The following SBNO2 variants were observed in gnomAD, a reference collection of about 807,000 sequenced individuals.
SBNO2 encodes strawberry notch homolog 2, also known as protein strawberry notch homolog 2.
In SBNO2, 89 loss-of-function variants were observed where a neutral mutation model predicts 146.3. That is an observed-to-expected ratio of 0.61 (90% confidence interval 0.51 to 0.73). The LOEUF (loss-of-function observed/expected upper bound fraction) is 0.73. SBNO2 is among the 30% of genes least tolerant of loss of function. SBNO2 has a pLI of 0.00. For synonymous variants in SBNO2, 1,147 were observed against 892.6 expected (o/e 1.29, Z -5.08); for missense variants, 2,092 against 2,003.7 (o/e 1.04, Z -0.84).
Position 1,149,201 on chromosome 19 carries a change from C to G in SBNO2, c.167+168G>C, listed in dbSNP as rs112847626. Among the ~76,000 whole-genome samples, 435 of 150,522 alleles carry G rather than the reference C, an allele frequency of 2.9e-3. 1 individual carries two copies. Among genetic ancestry groups the G allele is most frequent in the African/African-American group, 0.01 (416 of 40,888 alleles). On this transcript the variant is annotated intron_variant, in intron 3 of 31. Transcript: ENST00000361757. ...GCGTTCCACAAACAGGGGTCTCAGC[C>G]TGGACCTGGCCCGTGGGGTGGAGCC...
chr19:1,113,335 G>A (rs373700063), intron 19 of SBNO2, among the ~76,000 whole-genome samples, 200 bp downstream of exon 19: 10 of 152,142 alleles, frequency 6.6e-5, no homozygotes, highest in African/African-American at 1.7e-4. Context: ...GGGGCAGGCC[G>A]TCCACAGGAG....
At chr19:1,125,989 G>A (rs75410576) in intron 5 of SBNO2, among the ~76,000 whole-genome samples, 9,522 of 152,214 alleles carry the variant, frequency 0.063, 370 homozygotes, top group East Asian at 0.15. Context: ...GTGAGATCCC[G>A]TCTCAAAATA....
Position 1,112,433 on chromosome 19 carries a change from C to T in SBNO2, c.2484G>A (p.Pro828=), listed in dbSNP as rs764952101. ...GCTGGATGGCGCGGTCGGCGCTCCA[C>T]GGCAGCTCCAAGGTCATGTGCACGC... ...RRRVHMTLEL[P]WSADRAIQQF... Residue 828 remains proline, a synonymous_variant, in exon 21 of 32, where the codon CCG becomes CCA. Transcript: ENST00000361757. The surrounding 1 kb of genome is among the most constrained non-coding windows in gnomAD (Gnocchi z 5.9). 1.2e-6 allele frequency: 2 copies of T among 1,606,454 alleles called. No homozygotes were observed. Among genetic ancestry groups the T allele is most frequent in the African/African-American group, 1.3e-5 (1 of 74,852 alleles).
rs1599824979 is a variant in SBNO2 at position 1,112,612 on chromosome 19, T to G, written c.2380-75A>C. 1.3e-6 allele frequency: 2 copies of G among 1,487,830 alleles called. No individual in the cohort carries two copies. Among genetic ancestry groups the G allele is most frequent in the Non-Finnish European group, 1.8e-6 (2 of 1,120,912 alleles). 92.2% of individuals were successfully genotyped at this position (1,487,830 alleles called of 1,614,324 possible). ...GCGTTGCCGCCACCTCCTCACCCAC[T>G]AGGCCCCCGCTCCAGGTCACCAGGA... On this transcript the variant is annotated intron_variant, in intron 20 of 31. Coordinates refer to ENST00000361757, the MANE Select transcript of SBNO2 (RefSeq NM_014963.3). This position sits in a 1 kb window ranked among gnomAD's most constrained non-coding sequence, Gnocchi z 5.9.
chr19:1,142,689 T>C (rs1337208522), intron 4 of SBNO2, among the ~76,000 whole-genome samples: 1 of 150,400 alleles, frequency 6.6e-6, no homozygotes, highest in Non-Finnish European at 1.5e-5. Flanking sequence ...CAAAAAACAA[T>C]AGGCCAGGTG....
Position 1,107,847 on chromosome 19 carries a change from G to T in SBNO2, c.*373C>A, listed in dbSNP as rs892617836. ...CAGGGGTCTGCCCCACGGAGCCCCC[G>T]AGACGCGGGGCCCTGAGCACCTGGG... On this transcript the variant is annotated 3_prime_UTR_variant, in exon 32 of 32. Coordinates refer to ENST00000361757, the MANE Select transcript of SBNO2 (RefSeq NM_014963.3). 6.9e-5 allele frequency: 11 copies of T among 159,268 alleles called. No homozygotes were observed. The highest frequency in any genetic ancestry group is 1.9e-4 in the Admixed American group (3 of 15,422). 9.9% of individuals were successfully genotyped at this position (159,268 alleles called of 1,614,324 possible). A position where few individuals can be genotyped will look rare whatever the true frequency, so the allele number is the denominator to read the frequency against.
In SBNO2 at chr19:1,122,292, C is replaced by T. The variant is rs377716252; in HGVS notation, c.1006-10G>A. ...TGTCACCGTACTTGATCTGGGGATG[C>T]ACAGAACAGGTGTGGAATGGGGCCC... is the stretch of plus-strand genomic sequence containing the variant. On this transcript the variant is annotated splice_polypyrimidine_tract_variant and intron_variant, in intron 10 of 31. Coordinates refer to ENST00000361757, the MANE Select transcript of SBNO2 (RefSeq NM_014963.3). 43 of 1,553,222 alleles carry T rather than the reference C, an allele frequency of 2.8e-5. No homozygotes were observed. Among genetic ancestry groups the T allele is most frequent in the Admixed American group, 3.8e-5 (2 of 52,580 alleles).
chr19:1,153,906 C>T (rs778473043), intron 2 of SBNO2, among the ~76,000 whole-genome samples: 5 of 152,190 alleles, frequency 3.3e-5, no homozygotes, highest in African/African-American at 9.6e-5. Flanking sequence ...CTACAGCTGA[C>T]GGCGAAGGAA....
chr19:1,147,902 C>T (rs1423314949), intron 3 of SBNO2, among the ~76,000 whole-genome samples: 2 of 152,166 alleles, frequency 1.3e-5, no homozygotes, highest in Non-Finnish European at 2.9e-5. Context: ...CCCTGTCACC[C>T]TGAGGATGGC....
At chr19:1,171,766 T>TGGG (rs72208617) in intron 1 of SBNO2, among the ~76,000 whole-genome samples, 3 of 151,918 alleles carry the variant, frequency 2.0e-5, no homozygotes, top group African/African-American at 7.2e-5. Flanking sequence ...AGCAAGTGGG[T>TGGG]GGGGGGTCTA....
rs868839911 is a variant in SBNO2 at position 1,157,976 on chromosome 19, C to G, written c.-126-3574G>C. Among the ~76,000 whole-genome samples the G allele has an allele frequency of 1.3e-5, 2 of 148,572 alleles. No homozygotes were observed. The highest frequency in any genetic ancestry group is 6.7e-5 in the Admixed American group (1 of 14,892). On this transcript the variant is annotated intron_variant, in intron 1 of 31. Coordinates refer to ENST00000361757, the MANE Select transcript of SBNO2 (RefSeq NM_014963.3). This position sits in a 1 kb window ranked among gnomAD's most constrained non-coding sequence, Gnocchi z 6.8. ...CCGCCTCCCAGCTCTCTCCTGAGTC[C>G]GGATAACTGTCCGCCTCCCAGCTCT...
At chr19:1,172,912 G>A (rs937345881) in intron 1 of SBNO2, among the ~76,000 whole-genome samples, 1 of 151,766 alleles carries the variant, frequency 6.6e-6, no homozygotes, top group African/African-American at 2.4e-5. Flanking sequence ...CAGGCAGGAA[G>A]GACGTTCTGA....
intron 1 of SBNO2, among the ~76,000 whole-genome samples, chr19:1,169,935 C>T (rs2080461703): frequency 6.6e-6 from 1 of 152,212 alleles, no homozygotes; most frequent in South Asian, 2.1e-4. Context: ...ACTCCCCCGC[C>T]TCTACAGCCC....
Position 1,109,862 on chromosome 19 carries a change from C to T in SBNO2, c.3029-85G>A. Reference sequence around the variant, plus strand: ...GGTCAGTCCCGTAGCCGGGGCGCACCCTAGAGACGACCCCCCGAGAGCACA... The same window carrying T: ...GGTCAGTCCCGTAGCCGGGGCGCACTCTAGAGACGACCCCCCGAGAGCACA... On this transcript the variant is annotated intron_variant, in intron 26 of 31. Coordinates refer to ENST00000361757, the MANE Select transcript of SBNO2 (RefSeq NM_014963.3). This position sits in a 1 kb window ranked among gnomAD's most constrained non-coding sequence, Gnocchi z 4.2. The T allele has an allele frequency of 1.0e-6, 1 of 990,262 alleles. No homozygotes were observed. Among genetic ancestry groups the T allele is most frequent in the Non-Finnish European group, 1.5e-6 (1 of 674,918 alleles). 61.3% of individuals were successfully genotyped at this position (990,262 alleles called of 1,614,324 possible). A position where few individuals can be genotyped will look rare whatever the true frequency, so the allele number is the denominator to read the frequency against.
At position 1,158,150 on chromosome 19, in the gene SBNO2, C is replaced by G. The variant is rs143226298; in HGVS notation, c.-126-3748G>C. ...CAGGGTCTCACCCCACGCTGTGCAG[C>G]AACAGCTCAGCCTCCTGATGTTCAG... On this transcript the variant is annotated intron_variant, in intron 1 of 31. Coordinates refer to ENST00000361757, the MANE Select transcript of SBNO2 (RefSeq NM_014963.3). The surrounding 1 kb of genome is among the most constrained non-coding windows in gnomAD (Gnocchi z 9.9). Among the ~76,000 whole-genome samples, 596 of 152,286 alleles carry G rather than the reference C, an allele frequency of 3.9e-3. 7 individuals carry two copies. The highest frequency in any genetic ancestry group is 0.014 in the African/African-American group (567 of 41,556).
Position 1,115,638 on chromosome 19 carries a change from C to G in SBNO2, c.1885+383G>C, listed in dbSNP as rs1335432957. Reference sequence around the variant, plus strand: ...CCTGGGGAGGCCACACACCAGACTTCGACAGGCAGCTCTGGGCTTCCCTGT... The same window carrying G: ...CCTGGGGAGGCCACACACCAGACTTGGACAGGCAGCTCTGGGCTTCCCTGT... On this transcript the variant is annotated intron_variant, in intron 17 of 31. Transcript: ENST00000361757. The G allele has an allele frequency of 2.0e-5, 6 of 302,034 alleles. No individual in the cohort carries two copies. The East Asian group carries it at 4.8e-4, about 24-fold the overall frequency. 18.7% of individuals were successfully genotyped at this position (302,034 alleles called of 1,614,324 possible).
chr19:1,170,188 G>C (rs1342017009), intron 1 of SBNO2, among the ~76,000 whole-genome samples: 1 of 152,216 alleles, frequency 6.6e-6, no homozygotes, highest in African/African-American at 2.4e-5. Flanking sequence ...CAGGGCGAGA[G>C]CTGATGGGGC....
rs756814800 is a variant in SBNO2, at chr19:1,112,996, G to A, written c.2248-47C>T. On this transcript the variant is annotated intron_variant, in intron 19 of 31. Coordinates refer to ENST00000361757, the MANE Select transcript of SBNO2 (RefSeq NM_014963.3). The surrounding 1 kb of genome is among the most constrained non-coding windows in gnomAD (Gnocchi z 5.9). Reference sequence around the variant, plus strand: ...AACCGGCCGTCAGTGTTGTGGCCTCGCAGGAGTCTGGCCACCCGTGTCTCA... The same window carrying A: ...AACCGGCCGTCAGTGTTGTGGCCTCACAGGAGTCTGGCCACCCGTGTCTCA... 7.9e-6 allele frequency: 12 copies of A among 1,515,804 alleles called. No homozygotes were observed. The highest frequency in any genetic ancestry group is 2.5e-5 in the East Asian group (1 of 40,496). The allele number at this position is 1,515,804 out of a possible 1,614,324, so 93.9% of individuals were successfully genotyped here. A position where few individuals can be genotyped will look rare whatever the true frequency, so the allele number is the denominator to read the frequency against.
chr19:1,108,294 C>A lies in SBNO2; in HGVS notation c.4027G>T (p.Ala1343Ser). The A allele has an allele frequency of 6.7e-7, 1 of 1,492,860 alleles. No individual in the cohort carries two copies. Among genetic ancestry groups the A allele is most frequent in the South Asian group, 1.2e-5 (1 of 81,280 alleles). 92.5% of individuals were successfully genotyped at this position (1,492,860 alleles called of 1,614,324 possible). A position where few individuals can be genotyped will look rare whatever the true frequency, so the allele number is the denominator to read the frequency against. ...CTCTGCCGCTCGGGACCACCGCCCG[C>A]CGCGCCCCCCGCCCCCGCGCCCTCC... is the stretch of plus-strand genomic sequence containing the variant. ...LGEGAGAGGAAGGGPERQSVI... is the reference protein window; with the variant it reads ...LGEGAGAGGASGGGPERQSVI... The change falls in exon 32 of 32, where the codon GCG becomes TCG. Residue 1343 changes from alanine (A) to serine (S), a missense_variant. Physicochemically the swap from Ala to Ser is moderately conservative, Grantham distance 99. Transcript: ENST00000361757.
Sources: allele counts gnomAD v4.1 joint callset (sites outside exome capture counted in the v4.1 genomes callset), GRCh38; gene constraint gnomAD v4.1.1; non-coding constraint Gnocchi (gnomAD v3.1); transcripts MANE v1.5; gene names NCBI Gene and HGNC (gene_info 2026-07-23, HGNC 2026-07-21).